PCDHGA2: variants seen among roughly 807,000 people sequenced by gnomAD.
The protein encoded by PCDHGA2 is protocadherin gamma-A2.
A neutral mutation model predicts 59.2 loss-of-function variants in PCDHGA2; 40 were observed. The observed-to-expected ratio is 0.68, with a 90% CI of 0.52 to 0.88. PCDHGA2 has a LOEUF of 0.88. Among genes scored for constraint, PCDHGA2 ranks in the 40% least tolerant of loss-of-function variants. The pLI is 0.00. For synonymous variants in PCDHGA2, 560 were observed against 526.0 expected (o/e 1.06, Z -0.89); for missense variants, 1,226 against 1,204.0 (o/e 1.02, Z -0.27).
intron 1 of PCDHGA2, chr5:141,357,737 T>G: frequency 7.7e-7 from 1 of 1,301,834 alleles, no homozygotes. Flanking sequence ...AATATTTTAT[T>G]GCTTTAAAGA....
At chr5:141,351,612 C>A in intron 1 of PCDHGA2, 2 of 1,614,070 alleles carry the variant, frequency 1.2e-6, no homozygotes, top group Non-Finnish European at 1.7e-6. Flanking sequence ...TTCCATCAGG[C>A]CTCCTATGTG....
At chr5:141,422,724 G>A (rs560544401) in intron 1 of PCDHGA2, 9 of 1,606,016 alleles carry the variant, frequency 5.6e-6, no homozygotes, top group East Asian at 2.2e-5. Flanking sequence ...CTGTCCAGGG[G>A]GTGCCTCTGT....
intron 1 of PCDHGA2, among the ~76,000 whole-genome samples, chr5:141,438,872 G>T (rs13178044): frequency 0.11 from 16,734 of 151,118 alleles, 1,094 homozygotes; most frequent in African/African-American, 0.17. Flanking sequence ...CATCAAGTTG[G>T]CCAGGCTGCT....
intron 1 of PCDHGA2, among the ~76,000 whole-genome samples, chr5:141,463,570 T>A (rs557041487): frequency 2.7e-5 from 4 of 146,586 alleles, no homozygotes; most frequent in Middle Eastern, 3.5e-3. Context: ...TGCCTCAGCC[T>A]CCCGAGTAGC....
chr5:141,390,358 G>A lies in PCDHGA2; in HGVS notation c.2424+48963G>A, dbSNP rs934109377. ...TATTCACAAGAAAATATACATATTT[G>A]CAGGAAAATATATAATTTTTAGATG... is the stretch of plus-strand genomic sequence containing the variant. On this transcript the variant is annotated intron_variant, in intron 1 of 3. Coordinates refer to ENST00000394576, the MANE Select transcript of PCDHGA2 (RefSeq NM_018915.4). The A allele has an allele frequency of 3.9e-6, 6 of 1,540,796 alleles. No homozygotes were observed. In the African/African-American group the frequency reaches 8.3e-5, roughly 21 times the overall value.
intron 1 of PCDHGA2, chr5:141,404,291 G>A (rs755978034): frequency 6.2e-7 from 1 of 1,613,956 alleles, no homozygotes; most frequent in Non-Finnish European, 8.5e-7. Context: ...TGACATCAAT[G>A]ATAATCCACC....
chr5:141,443,064 G>A (rs76234738), intron 1 of PCDHGA2, among the ~76,000 whole-genome samples: 48 of 152,264 alleles, frequency 3.2e-4, no homozygotes, highest in African/African-American at 1.1e-3. Context: ...ACTGAAGAGC[G>A]TCTTATGACT....
chr5:141,450,207 A>AAGG (rs1164364390), intron 1 of PCDHGA2, among the ~76,000 whole-genome samples: 13 of 151,832 alleles, frequency 8.6e-5, no homozygotes, highest in Non-Finnish European at 1.8e-4. Flanking sequence ...TAGTAGAGAC[A>AAGG]AGGTTTCACT....
At position 141,395,016 on chromosome 5, in the gene PCDHGA2, G is replaced by C. The variant is rs772379480; in HGVS notation, c.2424+53621G>C. The C allele has an allele frequency of 4.3e-6, 7 of 1,613,950 alleles. No homozygotes were observed. In the Admixed American group the frequency reaches 5.0e-5, roughly 12 times the overall value. ...GGATTCCGGTGGCAGATTGGTAGGCGTGCCTGCCTCACATTTTGTGGGTGT... is the reference window on the plus strand; with the variant it reads ...GGATTCCGGTGGCAGATTGGTAGGCCTGCCTGCCTCACATTTTGTGGGTGT... On this transcript the variant is annotated intron_variant, in intron 1 of 3. Coordinates refer to ENST00000394576, the MANE Select transcript of PCDHGA2 (RefSeq NM_018915.4).
intron 1 of PCDHGA2, chr5:141,478,874 A>G: frequency 1.6e-6 from 2 of 1,276,696 alleles, no homozygotes; most frequent in Non-Finnish European, 2.1e-6. Flanking sequence ...ATCAGAGTTT[A>G]GCTTGGTATC....
At chr5:141,341,622 A>G (rs1029064647) in intron 1 of PCDHGA2, 20 of 875,612 alleles carry the variant, frequency 2.3e-5, no homozygotes, top group Non-Finnish European at 3.1e-5. Context: ...GAGTTAATAG[A>G]TAAGATTATC....
At chr5:141,417,826 A>T in intron 1 of PCDHGA2, 1 of 1,519,618 alleles carries the variant, frequency 6.6e-7, no homozygotes. Flanking sequence ...CTCCAACTGG[A>T]AAAGCGGGGA....
chr5:141,391,560 T>C (rs981712066), intron 1 of PCDHGA2: 2 of 152,242 alleles, frequency 1.3e-5, no homozygotes, highest in African/African-American at 4.8e-5. Context: ...GTTTTCCATA[T>C]GCATAAGAAA....
chr5:141,362,548 A>G (rs759735052), intron 1 of PCDHGA2: 10 of 1,612,574 alleles, frequency 6.2e-6, no homozygotes, highest in African/African-American at 1.3e-5. Flanking sequence ...CTCAGATACT[A>G]TTTTGAAGGT....
intron 2 of PCDHGA2, 99 bp from the exon 3 acceptor site, chr5:141,505,294 G>T: frequency 6.4e-7 from 1 of 1,572,086 alleles, no homozygotes; most frequent in Non-Finnish European, 8.6e-7. Context: ...GCATGGGGTA[G>T]GGTTAGGGTA....
At chr5:141,392,776 C>T in intron 1 of PCDHGA2, 1 of 1,526,772 alleles carries the variant, frequency 6.5e-7, no homozygotes, top group African/African-American at 1.4e-5. Flanking sequence ...CATTTATGCA[C>T]AGTGAAGATT....
At chr5:141,362,573 T>G (rs754606560) in intron 1 of PCDHGA2, 21 of 1,605,662 alleles carry the variant, frequency 1.3e-5, no homozygotes, top group Non-Finnish European at 1.7e-5. Context: ...TTTAATTAAT[T>G]TATTTTCACT....
At chr5:141,415,767 T>TTTTTTTTTTTTTTTTTTTTTG (rs2095942916) in intron 1 of PCDHGA2, 1 of 1,300,668 alleles carries the variant, frequency 7.7e-7, no homozygotes, top group African/African-American at 1.8e-5. Flanking sequence ...TTTTTTTTTT[T>TTTTTTTTTTTTTTTTTTTTTG]TTTTTACTTT....
At chr5:141,509,077 C>A (rs1371396735) in intron 3 of PCDHGA2, among the ~76,000 whole-genome samples, 3 of 152,242 alleles carry the variant, frequency 2.0e-5, no homozygotes, top group Admixed American at 2.0e-4. Flanking sequence ...CGGGGATTTG[C>A]GACATGAAAT....
Sources: allele counts gnomAD v4.1 joint callset (sites outside exome capture counted in the v4.1 genomes callset), GRCh38; gene constraint gnomAD v4.1.1; transcripts MANE v1.5; gene names NCBI Gene and HGNC (gene_info 2026-07-23, HGNC 2026-07-21).